The following TSFM variants were observed in gnomAD, a reference collection of about 807,000 sequenced individuals.
TSFM encodes Ts translation elongation factor, mitochondrial, also known as elongation factor Ts, mitochondrial.
A neutral mutation model predicts 33.4 loss-of-function variants in TSFM; 29 were observed. The observed-to-expected ratio is 0.87, with a 90% CI of 0.65 to 1.18. The LOEUF (loss-of-function observed/expected upper bound fraction) is 1.18, where lower values mean the gene tolerates loss of function less well. Among genes scored for constraint, TSFM ranks in the 50% most tolerant of loss-of-function variants. The probability of loss-of-function intolerance (pLI) is 0.00; values close to 1 mark genes in which losing one functional copy is unlikely to be tolerated. For synonymous variants in TSFM, 178 were observed against 163.5 expected, an observed-to-expected ratio of 1.09 and a Z score of -0.68; for missense variants, 394 against 395.6, an observed-to-expected ratio of 1.00 and a Z score of 0.04.
chr12:57,802,074 G>A (rs949198158), downstream of TSFM: 7 of 1,453,934 alleles, frequency 4.8e-6, no homozygotes, highest in South Asian at 2.5e-5. Flanking sequence ...TCACTGAGCC[G>A]TGAATCAGTA....
downstream of TSFM, chr12:57,802,038 G>T: frequency 9.0e-7 from 1 of 1,113,602 alleles, no homozygotes; most frequent in Non-Finnish European, 1.3e-6. Flanking sequence ...GGAGTGGGAT[G>T]GGAGTAGGGA....
chr12:57,802,381 T>G, downstream of TSFM: 1 of 1,574,754 alleles, frequency 6.4e-7, no homozygotes, highest in Admixed American at 1.9e-5. Flanking sequence ...TATGTTACTG[T>G]GTTCATACCA....
chr12:57,801,637 G>A (rs539788169), downstream of TSFM, among the ~76,000 whole-genome samples: 2 of 152,274 alleles, frequency 1.3e-5, no homozygotes, highest in South Asian at 4.1e-4. Context: ...CTACTTGGGA[G>A]GCTGAGGCAG....
At chr12:57,794,398 A>G (rs1326344416) in intron 5 of TSFM, among the ~76,000 whole-genome samples, 2 of 152,250 alleles carry the variant, frequency 1.3e-5, no homozygotes. Flanking sequence ...TTAGAAGAGA[A>G]TAACATCCTG....
chr12:57,801,128 A>G (rs756040590), downstream of TSFM: 1 of 1,612,170 alleles, frequency 6.2e-7, no homozygotes, highest in East Asian at 2.2e-5. Flanking sequence ...TTCTCCCAAG[A>G]GCGAACCCGA....
rs117496119 is a variant in TSFM at position 57,795,460 on chromosome 12, A to G, written c.572-717A>G. Among the ~76,000 whole-genome samples the G allele has an allele frequency of 9.5e-3, 1,450 of 152,088 alleles. 75 individuals carry two copies. The East Asian group carries it at 0.17, about 18-fold the overall frequency. ...CTGAAAGGTAGGTGGTGTCATCTCT[A>G]TTTTAAAGGTGAGGAAACAAAGGCT... is the stretch of plus-strand genomic sequence containing the variant. On this transcript the variant is annotated intron_variant, in intron 5 of 5. Transcript: ENST00000652027.
downstream of TSFM, chr12:57,801,032 T>A (rs1374454066): frequency 4.9e-6 from 4 of 810,490 alleles, no homozygotes; most frequent in East Asian, 2.5e-5. Context: ...AACAGACAAC[T>A]ATGGTAATAC....
intron 4 of TSFM, among the ~76,000 whole-genome samples, chr12:57,790,060 C>CTTTTTTTTTT (rs35382401): frequency 3.7e-4 from 39 of 105,384 alleles, no homozygotes; most frequent in Non-Finnish European, 4.7e-4. Context: ...TTCTTTCTTT[C>CTTTTTTTTTT]TTTTTTTTTT....
intron 4 of TSFM, among the ~76,000 whole-genome samples, chr12:57,788,063 C>G (rs979377399): frequency 3.3e-5 from 5 of 152,212 alleles, no homozygotes; most frequent in African/African-American, 4.8e-5. Context: ...CAACCACTCA[C>G]AGTAATTTTT....
At chr12:57,792,761 T>G (rs1212149098) in intron 4 of TSFM, among the ~76,000 whole-genome samples, 1 of 151,900 alleles carries the variant, frequency 6.6e-6, no homozygotes, top group African/African-American at 2.4e-5. Context: ...CCCAACTAAT[T>G]TTTGTATTTC....
chr12:57,786,564 C>T (rs1955593716), intron 3 of TSFM, among the ~76,000 whole-genome samples: 1 of 152,138 alleles, frequency 6.6e-6, no homozygotes, highest in Non-Finnish European at 1.5e-5. Context: ...CTGATTGTTT[C>T]CTGGAACAGT....
rs560659010 is a variant in TSFM at position 57,796,557 on chromosome 12, G to C, written c.952G>C (p.Gly318Arg). ...VDFVRFECGE[G>R]EEAAETE ...CTTTGTGCGGTTTGAATGTGGAGAAGGTGAAGAGGCAGCAGAAACTGAATA... is the reference window on the plus strand; with the variant it reads ...CTTTGTGCGGTTTGAATGTGGAGAACGTGAAGAGGCAGCAGAAACTGAATA... The change falls in exon 6 of 6, where the codon GGT becomes CGT. Residue 318 changes from glycine to arginine, a missense_variant. Coordinates refer to ENST00000652027, the MANE Select transcript of TSFM (RefSeq NM_005726.6). 6.3e-6 allele frequency: 9 copies of C among 1,439,332 alleles called. No homozygotes were observed. The African/African-American group carries it at 1.1e-4, about 18-fold the overall frequency. 89.2% of individuals were successfully genotyped at this position (1,439,332 alleles called of 1,614,324 possible).
intron 2 of TSFM, among the ~76,000 whole-genome samples, chr12:57,785,068 A>G (rs532779673): frequency 3.3e-5 from 5 of 151,352 alleles, no homozygotes; most frequent in African/African-American, 2.4e-5. Context: ...CTGGGACTAC[A>G]GGCGCCCGCC....
At chr12:57,799,926 T>A, downstream of TSFM, 1 of 1,614,102 alleles carries the variant, frequency 6.2e-7, no homozygotes, top group Non-Finnish European at 8.5e-7. Context: ...ATGTCCTAGG[T>A]AAGATAAGAA....
At chr12:57,798,573 C>T (rs919273903), downstream of TSFM, among the ~76,000 whole-genome samples, 2 of 151,678 alleles carry the variant, frequency 1.3e-5, no homozygotes, top group Admixed American at 6.6e-5. Context: ...AGAGTCTGTG[C>T]CTAAATCAAC....
chr12:57,796,560 G>A lies in TSFM; in HGVS notation c.955G>A (p.Glu319Lys). Residue 319 changes from glutamate to lysine, a missense_variant, in exon 6 of 6, where the codon GAA (glutamate) becomes AAA (lysine). Physicochemically the swap from Glu to Lys is moderately conservative, Grantham distance 56. Around this residue, in one of 3 missense-constraint regions of TSFM, gnomAD observed 186 missense variants for 198.8 expected, o/e 0.94. Transcript: ENST00000652027. ...DFVRFECGEG[E>K]EAAETE ...TGTGCGGTTTGAATGTGGAGAAGGT[G>A]AAGAGGCAGCAGAAACTGAATAGGT... 3 of 1,438,410 alleles carry A rather than the reference G, an allele frequency of 2.1e-6. No homozygotes were observed. The highest frequency in any genetic ancestry group is 2.8e-6 in the Non-Finnish European group (3 of 1,089,980). 89.1% of individuals were successfully genotyped at this position (1,438,410 alleles called of 1,614,324 possible). A position where few individuals can be genotyped will look rare whatever the true frequency, so the allele number is the denominator to read the frequency against.
At chr12:57,793,528 G>C (rs945030717) in intron 5 of TSFM, among the ~76,000 whole-genome samples, 6 of 152,096 alleles carry the variant, frequency 3.9e-5, no homozygotes, top group Non-Finnish European at 4.4e-5. Context: ...GGCCACATTA[G>C]GCATCTTAAA....
At chr12:57,782,952 T>C in intron 1 of TSFM, 94 bp downstream of exon 1, 1 of 1,486,054 alleles carries the variant, frequency 6.7e-7, no homozygotes, top group Non-Finnish European at 9.0e-7. Flanking sequence ...TTTGACTCCA[T>C]CTCACCTTCC....
Position 57,796,580 on chromosome 12 carries a change from A to G in TSFM, c.975A>G (p.Glu325=), listed in dbSNP as rs773585816. The G allele has an allele frequency of 7.1e-7, 1 of 1,411,882 alleles. No homozygotes were observed. The highest frequency in any genetic ancestry group is 9.3e-7 in the Non-Finnish European group (1 of 1,075,974). 87.5% of individuals were successfully genotyped at this position (1,411,882 alleles called of 1,614,324 possible). The change falls in exon 6 of 6, where the codon GAA becomes GAG. Residue 325 remains glutamate (E), a synonymous_variant. Transcript: ENST00000652027. ...AAGGTGAAGAGGCAGCAGAAACTGA[A>G]TAGGTTCCAGAGACTTTTGGCCCAG... ...CGEGEEAAET[E]
Sources: allele counts gnomAD v4.1 joint callset (sites outside exome capture counted in the v4.1 genomes callset), GRCh38; gene constraint gnomAD v4.1.1; regional missense constraint gnomAD v4.1.1; transcripts MANE v1.5; gene names NCBI Gene and HGNC (gene_info 2026-07-23, HGNC 2026-07-21).